RNF152: variants seen among roughly 807,000 people sequenced by gnomAD.
RNF152 encodes ring finger protein 152.
In RNF152, 11 loss-of-function variants were observed where a neutral mutation model predicts 12.7. The observed-to-expected ratio is 0.86, with a 90% CI of 0.54 to 1.43. The LOEUF (loss-of-function observed/expected upper bound fraction) is 1.43, where lower values mean the gene tolerates loss of function less well. Ranked by LOEUF, RNF152 falls within the 40% of genes most tolerant of loss-of-function variation. RNF152 has a pLI of 0.00. For missense variants in RNF152, 255 were observed against 274.8 expected, an observed-to-expected ratio of 0.93 and a Z score of 0.51; for synonymous variants, 113 against 120.3, an observed-to-expected ratio of 0.94 and a Z score of 0.40.
intron 1 of RNF152, among the ~76,000 whole-genome samples, chr18:61,886,504 A>C (rs1004589836): frequency 1.6e-4 from 24 of 152,200 alleles, no homozygotes; most frequent in Non-Finnish European, 4.4e-5. Flanking sequence ...TTTAATACAA[A>C]ATAGGCTTTT....
intron 1 of RNF152, among the ~76,000 whole-genome samples, chr18:61,880,878 C>A (rs917308388): frequency 5.9e-5 from 9 of 151,764 alleles, no homozygotes; most frequent in African/African-American, 1.9e-4. Context: ...CTCACTCCTC[C>A]TCCCTCAAAC....
intron 1 of RNF152, among the ~76,000 whole-genome samples, chr18:61,848,136 T>C (rs1568277646): frequency 6.6e-6 from 1 of 152,132 alleles, no homozygotes; most frequent in African/African-American, 2.4e-5. Flanking sequence ...TGGCACACAG[T>C]AGACACCTGA....
intron 1 of RNF152, among the ~76,000 whole-genome samples, chr18:61,865,766 TAAGTTG>T (rs1911699354): frequency 6.6e-6 from 1 of 152,210 alleles, no homozygotes; most frequent in African/African-American, 2.4e-5. Flanking sequence ...AAACTCACTT[TAAGTTG>T]AAGGCAAATA....
chr18:61,884,854 T>C (rs1003695915), intron 1 of RNF152, among the ~76,000 whole-genome samples: 59 of 152,312 alleles, frequency 3.9e-4, no homozygotes, highest in African/African-American at 1.4e-3. Context: ...TCACCATGCC[T>C]GGCCATTCAA....
rs56397865 is a variant in RNF152, at chr18:61,809,856, G to GAAAAAAAAA, written c.*5987_*5995dup. ...TGGGATACCCCAGGCAGTGAATCCT[G>GAAAAAAAAA]AAAAAAAAAAAAAAAAAAAAAGTCA... On this transcript the variant is annotated 3_prime_UTR_variant, in exon 2 of 2. Coordinates refer to ENST00000312828, the MANE Select transcript of RNF152 (RefSeq NM_173557.3). 9.9e-6 allele frequency: 1 copy of GAAAAAAAAA among 100,838 alleles called. No individual in the cohort carries two copies. Among genetic ancestry groups the GAAAAAAAAA allele is most frequent in the Non-Finnish European group, 1.9e-5 (1 of 51,488 alleles). 6.2% of individuals were successfully genotyped at this position (100,838 alleles called of 1,614,324 possible). A position where few individuals can be genotyped will look rare whatever the true frequency, so the allele number is the denominator to read the frequency against.
At chr18:61,864,547 G>A (rs779574242) in intron 1 of RNF152, among the ~76,000 whole-genome samples, 5 of 152,140 alleles carry the variant, frequency 3.3e-5, no homozygotes, top group Non-Finnish European at 5.9e-5. Context: ...TGGAGGCTTC[G>A]CTGTGTAGAC....
chr18:61,873,364 G>T (rs891835758), intron 1 of RNF152, among the ~76,000 whole-genome samples: 3 of 152,182 alleles, frequency 2.0e-5, no homozygotes, highest in African/African-American at 7.2e-5. Flanking sequence ...TTGAGACAGA[G>T]TTTCGCTCTG....
chr18:61,827,262 C>T (rs960191342), intron 1 of RNF152, among the ~76,000 whole-genome samples: 35 of 152,314 alleles, frequency 2.3e-4, no homozygotes, highest in Middle Eastern at 6.8e-3. Context: ...CAGTATCATA[C>T]GGTGGGTCAC....
chr18:61,874,713 GGTGAATA>G (rs1045189549), intron 1 of RNF152, among the ~76,000 whole-genome samples: 2 of 152,186 alleles, frequency 1.3e-5, no homozygotes, highest in African/African-American at 4.8e-5. Flanking sequence ...GTAGTTCTCT[GGTGAATA>G]GTTTTGTTAA....
At chr18:61,841,173 A>G (rs1007557072) in intron 1 of RNF152, among the ~76,000 whole-genome samples, 1 of 152,190 alleles carries the variant, frequency 6.6e-6, no homozygotes, top group African/African-American at 2.4e-5. Flanking sequence ...TACATGATAG[A>G]AGTTTAATAA....
At chr18:61,872,878 T>C (rs985249451) in intron 1 of RNF152, among the ~76,000 whole-genome samples, 11 of 152,244 alleles carry the variant, frequency 7.2e-5, no homozygotes, top group African/African-American at 2.4e-4. Context: ...TCATTTTTAA[T>C]GCCATGCTCA....
chr18:61,864,412 C>T (rs1431308649), intron 1 of RNF152, among the ~76,000 whole-genome samples: 1 of 152,148 alleles, frequency 6.6e-6, no homozygotes, highest in African/African-American at 2.4e-5. Flanking sequence ...TCAGATCAGC[C>T]AAATGGAAGA....
intron 1 of RNF152, among the ~76,000 whole-genome samples, chr18:61,889,550 A>G (rs1295738429): frequency 1.3e-5 from 2 of 152,216 alleles, no homozygotes; most frequent in Non-Finnish European, 2.9e-5. Context: ...GGAAGGCTTT[A>G]GAACTCACCA....
At chr18:61,823,621 C>T (rs1392241581) in intron 1 of RNF152, among the ~76,000 whole-genome samples, 1 of 152,240 alleles carries the variant, frequency 6.6e-6, no homozygotes, top group Non-Finnish European at 1.5e-5. Flanking sequence ...AAGATGTTTA[C>T]ATATTTAAAC....
chr18:61,855,477 G>C lies in RNF152; in HGVS notation c.-136+37318C>G, dbSNP rs570346763. 2.8e-4 allele frequency among the ~76,000 whole-genome samples: 43 copies of C among 152,348 alleles called. No homozygotes were observed. In the South Asian group the frequency reaches 8.5e-3, roughly 30 times the overall value. On this transcript the variant is annotated intron_variant, in intron 1 of 1. Transcript: ENST00000312828. ...AGCCAGGGCTGTGACACCCCCTTTGGGGCTCTGCAATTCCTCGCATCTCCA... is the reference window on the plus strand; with the variant it reads ...AGCCAGGGCTGTGACACCCCCTTTGCGGCTCTGCAATTCCTCGCATCTCCA...
intron 1 of RNF152, among the ~76,000 whole-genome samples, chr18:61,845,836 C>T (rs1274551292): frequency 2.0e-5 from 3 of 151,930 alleles, no homozygotes; most frequent in Admixed American, 6.6e-5. Context: ...CACACTGCTA[C>T]AGTCTCAATG....
chr18:61,875,259 G>A (rs1285693054), intron 1 of RNF152, among the ~76,000 whole-genome samples: 1 of 152,196 alleles, frequency 6.6e-6, no homozygotes, highest in East Asian at 1.9e-4. Context: ...CAATATTCCA[G>A]ACAGGGTCCT....
intron 1 of RNF152, among the ~76,000 whole-genome samples, chr18:61,836,632 A>G (rs967036495): frequency 1.3e-5 from 2 of 152,174 alleles, no homozygotes; most frequent in African/African-American, 4.8e-5. Flanking sequence ...ACTATGAGAA[A>G]TAAATGCTTG....
At chr18:61,844,082 GAAAGAAAGAAA>G (rs1201763104) in intron 1 of RNF152, among the ~76,000 whole-genome samples, 3 of 33,990 alleles carry the variant, frequency 8.8e-5, no homozygotes, top group Non-Finnish European at 2.0e-4. Context: ...AGAAAGGAAA[GAAAGAAAGAAA>G]GAAAGAAAGA....
Sources: gnomAD v4.1 joint callset for allele counts (sites outside exome capture counted in the v4.1 genomes callset) on GRCh38, gnomAD v4.1.1 for gene constraint, MANE v1.5 for transcripts, NCBI Gene and HGNC (gene_info 2026-07-23, HGNC 2026-07-21) for gene names.